SCN1A: variants seen among roughly 807,000 people sequenced by gnomAD.
SCN1A encodes sodium voltage-gated channel alpha subunit 1.
SCN1A carries 13 observed loss-of-function variants against 193.7 expected under a neutral mutation model. The ratio of observed to expected loss-of-function variants is 0.07; its 90% CI spans 0.04 to 0.11. The LOEUF is 0.11. Among genes scored for constraint, SCN1A ranks in the 10% least tolerant of loss-of-function variants. SCN1A has a pLI of 1.00. For synonymous variants in SCN1A, 781 were observed against 843.6 expected, an observed-to-expected ratio of 0.93 and a Z score of 1.29; for missense variants, 1,432 against 2,451.1, an observed-to-expected ratio of 0.58 and a Z score of 8.78.
chr2:166,065,438 T>G (rs1683735487), intron 4 of SCN1A, among the ~76,000 whole-genome samples: 3 of 152,098 alleles, frequency 2.0e-5, no homozygotes, highest in Non-Finnish European at 4.4e-5. Context: ...GTATATAATA[T>G]TTTTTCCCCA....
chr2:165,998,247 A>G lies in SCN1A; in HGVS notation c.4339-72T>C, dbSNP rs1012333708. On this transcript the variant is annotated intron_variant, in intron 25 of 28. Coordinates refer to ENST00000674923, the MANE Select transcript of SCN1A (RefSeq NM_001165963.4). ...CTGGAAATGTCACTGGTGCTTTTTC[A>G]TAACAATAGAAAAAATTATTCTTAC... 3.9e-6 allele frequency: 5 copies of G among 1,296,818 alleles called. No homozygotes were observed. In the African/African-American group the frequency reaches 6.0e-5, roughly 15 times the overall value. 80.3% of individuals were successfully genotyped at this position (1,296,818 alleles called of 1,614,324 possible).
At chr2:166,115,252 G>A (rs1002353983) in intron 2 of SCN1A, among the ~76,000 whole-genome samples, 2 of 152,092 alleles carry the variant, frequency 1.3e-5, no homozygotes, top group Non-Finnish European at 2.9e-5. Context: ...CCCGCCACTT[G>A]GGGGGCTGAG....
intron 2 of SCN1A, among the ~76,000 whole-genome samples, chr2:166,108,221 TG>T (rs1376944483): frequency 6.6e-6 from 1 of 151,892 alleles, no homozygotes; most frequent in African/African-American, 2.4e-5. Context: ...TCATTAATCA[TG>T]AAGGAAATGC....
chr2:166,144,355 C>T (rs1692217521), intron 1 of SCN1A, among the ~76,000 whole-genome samples: 1 of 152,124 alleles, frequency 6.6e-6, no homozygotes, highest in South Asian at 2.1e-4. Context: ...TCTGGTAAAG[C>T]TCAAGTATAG....
rs1690512220 is a variant in SCN1A, at chr2:165,999,394, A to G, written c.4338+329T>C. Among the ~76,000 whole-genome samples the G allele has an allele frequency of 1.3e-5, 2 of 151,564 alleles. 1 individual carries two copies. Among genetic ancestry groups the G allele is most frequent in the South Asian group, 4.1e-4 (2 of 4,834 alleles). On this transcript the variant is annotated intron_variant, in intron 25 of 28. Transcript: ENST00000674923. Reference sequence around the variant, plus strand: ...ATGATAGAAATCATATATTTCTTCAAATTTGGTCCCGCACACTAAAATTAC... The same window carrying G: ...ATGATAGAAATCATATATTTCTTCAGATTTGGTCCCGCACACTAAAATTAC...
intron 9 of SCN1A, 75 bp from the exon 10 acceptor site, chr2:166,049,024 G>T (rs1698217330): frequency 1.1e-6 from 1 of 916,750 alleles, no homozygotes; most frequent in African/African-American, 1.6e-5. Context: ...GGAAGGTCAG[G>T]TTCTACTTTT....
rs181638407 is a variant in SCN1A at position 166,137,945 on chromosome 2, A to T, written c.-50+11102T>A. Among the ~76,000 whole-genome samples the T allele has an allele frequency of 1.6e-3, 249 of 152,294 alleles. 1 individual carries two copies. The highest frequency in any genetic ancestry group is 5.8e-3 in the African/African-American group (242 of 41,546). ...CAGGCTGAGGTGATCTCAGATGGAG[A>T]TGAATAACTTGTTGGGAACTGGAGC... On this transcript the variant is annotated intron_variant, in intron 1 of 26. Transcript: ENST00000635750.
intron 19 of SCN1A, among the ~76,000 whole-genome samples, chr2:166,032,958 G>C (rs1462211809): frequency 6.6e-6 from 1 of 152,146 alleles, no homozygotes; most frequent in African/African-American, 2.4e-5. Flanking sequence ...ATTTATGAGA[G>C]CCCTTCAGAA....
Position 166,043,652 on chromosome 2 carries a change from A to G in SCN1A, c.2043+17T>C. ...ATAGTGAGCCAGCCATGCCTGAACT[A>G]TTTAAAACTTCCTTACATTGTCATC... On this transcript the variant is annotated intron_variant, in intron 14 of 28. Transcript: ENST00000674923. 6.2e-7 allele frequency: 1 copy of G among 1,610,260 alleles called. No individual in the cohort carries two copies. Among genetic ancestry groups the G allele is most frequent in the Non-Finnish European group, 8.5e-7 (1 of 1,177,908 alleles).
At chr2:166,058,791 T>C (rs1699381493) in intron 4 of SCN1A, 103 bp from the exon 5 acceptor site, 1 of 744,416 alleles carries the variant, frequency 1.3e-6, no homozygotes, top group Non-Finnish European at 2.4e-6. Context: ...TAAAGTTAAA[T>C]GAGAAACCAG....
chr2:166,039,340 CA>C, intron 17 of SCN1A, 82 bp downstream of exon 17: 3 of 1,418,372 alleles, frequency 2.1e-6, no homozygotes, highest in Non-Finnish European at 2.9e-6. Context: ...GGTTGTGTGG[CA>C]AAAAAACTAT....
Position 166,039,627 on chromosome 2 carries a change from A to T in SCN1A, c.2416-31T>A, listed in dbSNP as rs759004483. On this transcript the variant is annotated intron_variant, in intron 16 of 28. Transcript: ENST00000674923. ...ATCAAAACAAAATTAATCTAATTCC[A>T]CCAGATAATAACATACATGACATAA... 7 of 1,572,922 alleles carry T rather than the reference A, an allele frequency of 4.5e-6. No individual in the cohort carries two copies. The Admixed American group carries it at 8.3e-5, about 19-fold the overall frequency.
chr2:166,029,090 T>C (rs911228707), intron 19 of SCN1A, among the ~76,000 whole-genome samples: 2 of 151,872 alleles, frequency 1.3e-5, no homozygotes, highest in African/African-American at 4.8e-5. Flanking sequence ...GAAAGATTAG[T>C]ATAGCTGGGT....
Position 166,042,325 on chromosome 2 carries a change from T to A in SCN1A, c.2143A>T (p.Ser715Cys). 1 of 1,613,962 alleles carries A rather than the reference T, an allele frequency of 6.2e-7. No homozygotes were observed. The highest frequency in any genetic ancestry group is 8.5e-7 in the Non-Finnish European group (1 of 1,179,894). The part of the protein sequence containing the change: ...EDPSQRQRAM[S>C]IASILTNTVE... ...GTATTTGTTAGAATGCTGGCTATAC[T>A]CATTGCTCGTTGCCTTTGGGAAGGA... Residue 715 changes from serine to cysteine, a missense_variant, in exon 15 of 29, where the codon AGT becomes TGT. By Grantham distance (112) the Ser-to-Cys change is moderately radical. Coordinates refer to ENST00000674923, the MANE Select transcript of SCN1A (RefSeq NM_001165963.4).
chr2:166,085,159 GTGT>G (rs1223241843), intron 2 of SCN1A, among the ~76,000 whole-genome samples: 1 of 152,136 alleles, frequency 6.6e-6, no homozygotes, highest in Admixed American at 6.6e-5. Flanking sequence ...GGACTCAATG[GTGT>G]TCCAGCACAA....
chr2:166,110,827 G>A (rs1283002010), intron 2 of SCN1A, among the ~76,000 whole-genome samples: 3 of 152,152 alleles, frequency 2.0e-5, no homozygotes, highest in Non-Finnish European at 2.9e-5. Flanking sequence ...CATGGGGGCA[G>A]GTCCTTCTCA....
In SCN1A at chr2:165,991,444, T is replaced by G; in HGVS notation, c.5831A>C (p.Lys1944Thr). The G allele has an allele frequency of 1.2e-6, 2 of 1,613,888 alleles. No homozygotes were observed. The highest frequency in any genetic ancestry group is 1.7e-6 in the Non-Finnish European group (2 of 1,179,884). ...TVKQASFTYN[K>T]NKIKGGANLL... ...ATTAGCCCCACCTTTGATTTTGTTT[T>G]TATTGTACGTAAAGGAAGCTTGTTT... is the stretch of plus-strand genomic sequence containing the variant. The change falls in exon 29 of 29, where the codon AAA becomes ACA. Residue 1944 changes from lysine to threonine, a missense_variant. Physicochemically the swap from Lys to Thr is moderately conservative, Grantham distance 78 (BLOSUM62 -1). Coordinates refer to ENST00000674923, the MANE Select transcript of SCN1A (RefSeq NM_001165963.4).
chr2:166,042,548 G>T, intron 14 of SCN1A, 124 bp from the exon 15 acceptor site: 1 of 858,142 alleles, frequency 1.2e-6, no homozygotes, highest in Non-Finnish European at 1.9e-6. Context: ...TTCAATTGGT[G>T]ATGGCAGATA....
chr2:166,044,267 T>C (rs112807631), intron 13 of SCN1A, among the ~76,000 whole-genome samples: 2 of 152,016 alleles, frequency 1.3e-5, no homozygotes, highest in African/African-American at 4.8e-5. Context: ...AATGAGGAGA[T>C]AGATTGCAAC....
Sources: gnomAD v4.1 joint callset for allele counts (sites outside exome capture counted in the v4.1 genomes callset) on GRCh38, gnomAD v4.1.1 for gene constraint, MANE v1.5 for transcripts, NCBI Gene and HGNC (gene_info 2026-07-23, HGNC 2026-07-21) for gene names.